The following APBA1 variants were observed in gnomAD, a reference collection of about 807,000 sequenced individuals.
APBA1 encodes the protein amyloid beta precursor protein binding family A member 1, also known as amyloid-beta A4 precursor protein-binding family A member 1.
Under a neutral mutation model 86.6 loss-of-function variants are expected in APBA1, and 55 were observed. The ratio of observed to expected loss-of-function variants is 0.64; its 90% CI spans 0.51 to 0.80. The LOEUF (loss-of-function observed/expected upper bound fraction) is 0.80. Ranked by LOEUF, APBA1 falls within the 30% of genes least tolerant of loss-of-function variation. The probability of loss-of-function intolerance (pLI) is 0.00; values close to 1 mark genes in which losing one functional copy is unlikely to be tolerated. For missense variants in APBA1, 1,090 were observed against 1,183.0 expected (o/e 0.92, Z 1.15); for synonymous variants, 511 against 493.9 (o/e 1.03, Z -0.46).
intron 1 of APBA1, among the ~76,000 whole-genome samples, chr9:69,660,748 C>A (rs865855817): frequency 3.9e-5 from 6 of 152,064 alleles, no homozygotes; most frequent in Non-Finnish European, 5.9e-5. Flanking sequence ...ATAAATATTT[C>A]TTGGGCATAT....
intron 1 of APBA1, among the ~76,000 whole-genome samples, chr9:69,610,003 G>T (rs1822553106): frequency 6.6e-6 from 1 of 152,102 alleles, no homozygotes; most frequent in African/African-American, 2.4e-5. Context: ...GATCCGATCT[G>T]ATTATAAGGC....
chr9:69,452,342 G>C, intron 8 of APBA1, 41 bp from the exon 9 acceptor site: 1 of 1,594,446 alleles, frequency 6.3e-7, no homozygotes, highest in South Asian at 1.1e-5. Flanking sequence ...CAGCAGGGCA[G>C]TGCACCTGGT....
intron 1 of APBA1, among the ~76,000 whole-genome samples, chr9:69,518,405 G>C (rs1412386722): frequency 1.3e-5 from 2 of 152,164 alleles, no homozygotes; most frequent in African/African-American, 2.4e-5. Flanking sequence ...AAGATTTTAT[G>C]AGTTGCCATT....
At chr9:69,475,507 C>T (rs982811274) in intron 3 of APBA1, among the ~76,000 whole-genome samples, 4 of 152,150 alleles carry the variant, frequency 2.6e-5, no homozygotes, top group African/African-American at 9.7e-5. Context: ...AGATGGGCTG[C>T]CTGGACAACA....
intron 11 of APBA1, among the ~76,000 whole-genome samples, chr9:69,434,159 G>A (rs1299072278): frequency 6.6e-6 from 1 of 152,188 alleles, no homozygotes; most frequent in African/African-American, 2.4e-5. Flanking sequence ...GCACTGTACA[G>A]CCCCAGGCTT....
chr9:69,490,365 C>T lies in APBA1; in HGVS notation c.1201-14222G>A, dbSNP rs151146723. The stretch of plus-strand genomic sequence containing the variant: ...GGGAGAGATAGCTTTAGGAGATATA[C>T]CTAATGCTAAATGATGAATTAATGG... On this transcript the variant is annotated intron_variant, in intron 2 of 12. Coordinates refer to ENST00000265381, the MANE Select transcript of APBA1 (RefSeq NM_001163.4). Among the ~76,000 whole-genome samples, 1,075 of 151,868 alleles carry T rather than the reference C, an allele frequency of 7.1e-3. 14 individuals are homozygous for T. Among genetic ancestry groups the T allele is most frequent in the African/African-American group, 0.024 (1,001 of 41,412 alleles).
At chr9:69,638,592 G>A (rs1358738729) in intron 1 of APBA1, among the ~76,000 whole-genome samples, 1 of 152,092 alleles carries the variant, frequency 6.6e-6, no homozygotes, top group African/African-American at 2.4e-5. Context: ...TCATTTATGT[G>A]TACAAGATTA....
intron 1 of APBA1, among the ~76,000 whole-genome samples, chr9:69,640,702 T>C (rs905231597): frequency 6.6e-5 from 10 of 152,084 alleles, no homozygotes; most frequent in Admixed American, 3.9e-4. Flanking sequence ...ACCATCTCAA[T>C]ACGTTCAGAA....
chr9:69,540,645 GCTGGA>G (rs1836590911), intron 1 of APBA1, among the ~76,000 whole-genome samples: 3 of 152,218 alleles, frequency 2.0e-5, no homozygotes, highest in South Asian at 4.2e-4. Flanking sequence ...TGTCACTCAG[GCTGGA>G]CTGCACTGGT....
intron 1 of APBA1, among the ~76,000 whole-genome samples, chr9:69,567,310 G>T (rs1308042758): frequency 6.6e-6 from 1 of 152,016 alleles, no homozygotes; most frequent in Non-Finnish European, 1.5e-5. Flanking sequence ...GATGGGAGAG[G>T]TTCTTCAAAT....
chr9:69,546,201 A>C (rs781547576), intron 1 of APBA1, among the ~76,000 whole-genome samples: 1 of 152,228 alleles, frequency 6.6e-6, no homozygotes, highest in Non-Finnish European at 1.5e-5. Context: ...AAAAATCAGC[A>C]TTTTGCCTTT....
chr9:69,635,699 C>G (rs1010321115), intron 1 of APBA1, among the ~76,000 whole-genome samples: 1 of 152,096 alleles, frequency 6.6e-6, no homozygotes, highest in Non-Finnish European at 1.5e-5. Flanking sequence ...AGTAGCTATA[C>G]TTACATGAGA....
At chr9:69,526,373 C>A (rs774371707) in intron 1 of APBA1, among the ~76,000 whole-genome samples, 4 of 151,998 alleles carry the variant, frequency 2.6e-5, no homozygotes, top group Non-Finnish European at 5.9e-5. Context: ...AACAGTTGAA[C>A]AAGCAAAAAC....
At chr9:69,524,100 T>A (rs1022634664) in intron 1 of APBA1, among the ~76,000 whole-genome samples, 4 of 151,460 alleles carry the variant, frequency 2.6e-5, no homozygotes, top group Admixed American at 6.6e-5. Flanking sequence ...AAAAGGAGAG[T>A]TTATAGTGCT....
intron 2 of APBA1, among the ~76,000 whole-genome samples, chr9:69,482,339 A>G (rs1835526242): frequency 6.6e-6 from 1 of 152,050 alleles, no homozygotes; most frequent in Admixed American, 6.5e-5. Context: ...TCTCAAAAGA[A>G]GACATTTATG....
chr9:69,585,707 G>C (rs566707315), intron 1 of APBA1, among the ~76,000 whole-genome samples: 9 of 152,304 alleles, frequency 5.9e-5, no homozygotes, highest in Non-Finnish European at 1.3e-4. Flanking sequence ...GGTATGAAAA[G>C]TGGACTCTCT....
intron 1 of APBA1, among the ~76,000 whole-genome samples, chr9:69,519,300 A>C (rs1336923063): frequency 6.6e-6 from 1 of 152,356 alleles, no homozygotes; most frequent in Non-Finnish European, 1.5e-5. Context: ...TTGCATGTGC[A>C]GTTCACAATA....
chr9:69,511,181 AG>A (rs1836031230), intron 2 of APBA1, among the ~76,000 whole-genome samples: 1 of 152,186 alleles, frequency 6.6e-6, no homozygotes, highest in South Asian at 2.1e-4. Context: ...CATCTGACAA[AG>A]GGCTAATATC....
chr9:69,593,015 T>C (rs1822161204), intron 1 of APBA1, among the ~76,000 whole-genome samples: 1 of 152,196 alleles, frequency 6.6e-6, no homozygotes, highest in South Asian at 2.1e-4. Context: ...CAAAACAGTA[T>C]TATAAAATGC....
Sources: allele counts gnomAD v4.1 joint callset (sites outside exome capture counted in the v4.1 genomes callset), GRCh38; gene constraint gnomAD v4.1.1; transcripts MANE v1.5; gene names NCBI Gene and HGNC (gene_info 2026-07-23, HGNC 2026-07-21).